Variants in CUL4A observed in about 807,000 individuals in gnomAD.
CUL4A encodes cullin 4A, also known as cullin-4A.
Under a neutral mutation model 95.5 loss-of-function variants are expected in CUL4A, and 16 were observed. The ratio of observed to expected loss-of-function variants is 0.17; its 90% CI spans 0.11 to 0.25. The LOEUF (loss-of-function observed/expected upper bound fraction) is 0.25, where lower values mean the gene tolerates loss of function less well. Among genes scored for constraint, CUL4A ranks in the 10% least tolerant of loss-of-function variants. The pLI is 1.00. For synonymous variants in CUL4A, 380 were observed against 353.1 expected (o/e 1.08, Z -0.85); for missense variants, 610 against 937.0 (o/e 0.65, Z 4.56).
At chr13:113,214,097 A>G (rs1046638179) in intron 2 of CUL4A, among the ~76,000 whole-genome samples, 1 of 152,162 alleles carries the variant, frequency 6.6e-6, no homozygotes, top group African/African-American at 2.4e-5. Flanking sequence ...GAAAGGACCA[A>G]TTCTCACCCA....
intron 10 of CUL4A, among the ~76,000 whole-genome samples, chr13:113,242,199 A>G (rs2041734056): frequency 6.6e-6 from 1 of 151,778 alleles, no homozygotes; most frequent in Admixed American, 6.6e-5. Context: ...TGGGAGGCGG[A>G]GGTTGCAGTG....
intron 1 of CUL4A, 51 bp from the exon 2 acceptor site, chr13:113,209,922 G>A (rs1190798284): frequency 1.4e-6 from 2 of 1,391,744 alleles, no homozygotes; most frequent in Non-Finnish European, 1.9e-6. Context: ...GTGGCTACGC[G>A]GGGCGCTTCG....
intron 4 of CUL4A, among the ~76,000 whole-genome samples, chr13:113,229,123 CAAAAA>C (rs911540867): frequency 6.6e-6 from 1 of 151,316 alleles, no homozygotes; most frequent in African/African-American, 2.4e-5. Context: ...CGTCTCAAGA[CAAAAA>C]AAAGAAAAAT....
intron 3 of CUL4A, among the ~76,000 whole-genome samples, chr13:113,227,560 C>T (rs748962980): frequency 6.6e-6 from 1 of 152,168 alleles, no homozygotes; most frequent in Non-Finnish European, 1.5e-5. Flanking sequence ...ATTCCAGTTA[C>T]TGAATGGTGT....
intron 14 of CUL4A, 33 bp downstream of exon 14, chr13:113,245,270 T>A (rs747366440): frequency 1.3e-6 from 2 of 1,588,574 alleles, no homozygotes; most frequent in Non-Finnish European, 1.7e-6. Flanking sequence ...AGCGGCTTTT[T>A]AAAAAGTATC....
At chr13:113,232,382 A>T (rs1419318922) in intron 5 of CUL4A, among the ~76,000 whole-genome samples, 1 of 151,754 alleles carries the variant, frequency 6.6e-6, no homozygotes, top group East Asian at 1.9e-4. Flanking sequence ...CCACCTGTCC[A>T]CCACTATATT....
At chr13:113,233,440 C>T in intron 6 of CUL4A, 101 bp downstream of exon 6, 1 of 1,184,812 alleles carries the variant, frequency 8.4e-7, no homozygotes, top group South Asian at 1.5e-5. Flanking sequence ...ATCATAAAGG[C>T]ATTTGTTGAA....
intron 10 of CUL4A, among the ~76,000 whole-genome samples, chr13:113,242,765 C>T (rs549609308): frequency 4.0e-4 from 61 of 152,138 alleles, no homozygotes; most frequent in African/African-American, 1.3e-3. Context: ...CAGCCTCGGC[C>T]GCAGAGTGAG....
intron 2 of CUL4A, among the ~76,000 whole-genome samples, chr13:113,210,425 C>G (rs180754604): frequency 6.6e-6 from 1 of 152,190 alleles, no homozygotes; most frequent in South Asian, 2.1e-4. Context: ...GACTGTGTCA[C>G]TTGCCACAGT....
Position 113,265,850 on chromosome 13 carries a change from G to T in CUL4A, c.*2268G>T, listed in dbSNP as rs958834827. ...CTTAGACAGAAATGCTGTAAAAGTG[G>T]AAAGGAGAAGGTGAAATTACTTGCA... On this transcript the variant is annotated 3_prime_UTR_variant, in exon 20 of 20. Transcript: ENST00000375440. 1 of 152,340 alleles carries T rather than the reference G, an allele frequency of 6.6e-6. No individual in the cohort carries two copies. Among genetic ancestry groups the T allele is most frequent in the East Asian group, 1.9e-4 (1 of 5,182 alleles). 9.4% of individuals were successfully genotyped at this position (152,340 alleles called of 1,614,324 possible).
In CUL4A at chr13:113,244,466, C is replaced by A. The variant is rs759209615; in HGVS notation, c.1285C>A (p.Leu429Met). The part of the protein sequence containing the change: ...AGNKEATDEE[L>M]ERTLDKIMIL... ...CAACAAAGAAGCCACAGACGAGGAG[C>A]TGGAGCGGACGTTGGACAAGATCAT... The change falls in exon 12 of 20, where the codon CTG becomes ATG. Residue 429 changes from leucine (L) to methionine (M), a missense_variant. Leu to Met is a conservative substitution (Grantham distance 15, BLOSUM62 2). Coordinates refer to ENST00000375440, the MANE Select transcript of CUL4A (RefSeq NM_001008895.4). 3.1e-5 allele frequency: 50 copies of A among 1,613,750 alleles called. No individual in the cohort carries two copies. Among genetic ancestry groups the A allele is most frequent in the Non-Finnish European group, 4.2e-5 (50 of 1,179,880 alleles).
intron 2 of CUL4A, among the ~76,000 whole-genome samples, chr13:113,211,573 C>T (rs758788473): frequency 2.6e-5 from 4 of 152,118 alleles, no homozygotes; most frequent in African/African-American, 7.2e-5. Context: ...TTAGTAGAGT[C>T]GGGGTTTCGC....
chr13:113,236,411 C>T (rs2041545921), intron 8 of CUL4A, among the ~76,000 whole-genome samples: 1 of 152,190 alleles, frequency 6.6e-6, no homozygotes, highest in Admixed American at 6.5e-5. Flanking sequence ...GTGCAGGTCA[C>T]ACACAGCTTC....
chr13:113,208,575 G>C, upstream of CUL4A: 1 of 1,605,798 alleles, frequency 6.2e-7, no homozygotes, highest in Non-Finnish European at 8.5e-7. Flanking sequence ...CCACGCCGCC[G>C]CGCGCTCCCC....
Position 113,244,394 on chromosome 13 carries a change from A to G in CUL4A, c.1229-16A>G, listed in dbSNP as rs2041803143. The G allele has an allele frequency of 1.9e-6, 3 of 1,584,314 alleles. No individual in the cohort carries two copies. Among genetic ancestry groups the G allele is most frequent in the East Asian group, 4.5e-5 (2 of 44,622 alleles). On this transcript the variant is annotated splice_polypyrimidine_tract_variant and intron_variant, in intron 11 of 19. Coordinates refer to ENST00000375440, the MANE Select transcript of CUL4A (RefSeq NM_001008895.4). Reference sequence around the variant, plus strand: ...TTTTCTAGTTTAGAGTATTTACTATATGTTTATGCTCACAGCAAAGCATGT... The same window carrying G: ...TTTTCTAGTTTAGAGTATTTACTATGTGTTTATGCTCACAGCAAAGCATGT...
intron 9 of CUL4A, among the ~76,000 whole-genome samples, chr13:113,238,974 A>C (rs2041627485): frequency 6.6e-6 from 1 of 152,264 alleles, no homozygotes; most frequent in African/African-American, 2.4e-5. Flanking sequence ...ATGCTGTGTT[A>C]AACACTTCAA....
At chr13:113,239,396 C>T in intron 9 of CUL4A, 37 bp from the exon 10 acceptor site, 5 of 1,524,814 alleles carry the variant, frequency 3.3e-6, no homozygotes, top group Non-Finnish European at 4.5e-6. Flanking sequence ...TAATGCTGCC[C>T]ATGCTGTACT....
rs1467715556 is a variant in CUL4A, at chr13:113,232,235, C to T, written c.513-942C>T. On this transcript the variant is annotated intron_variant, in intron 5 of 19. Transcript: ENST00000375440. ...CCATTACTGCTGCCACCACTACCCGCCCACCACCATTACTGCTGCCACCAC... is the reference window on the plus strand; with the variant it reads ...CCATTACTGCTGCCACCACTACCCGTCCACCACCATTACTGCTGCCACCAC... Among the ~76,000 whole-genome samples, 39 of 5,290 alleles carry T rather than the reference C, an allele frequency of 7.4e-3. 11 individuals are homozygous for T. The highest frequency in any genetic ancestry group is 9.8e-3 in the Non-Finnish European group (6 of 612). 3.5% of individuals were successfully genotyped at this position (5,290 alleles called of 152,430 possible).
At chr13:113,217,323 G>C (rs2040730698) in intron 2 of CUL4A, among the ~76,000 whole-genome samples, 1 of 152,182 alleles carries the variant, frequency 6.6e-6, no homozygotes, top group South Asian at 2.1e-4. Context: ...GGAATTCAAA[G>C]GGATGGAATT....
Sources: gnomAD v4.1 joint callset for allele counts (sites outside exome capture counted in the v4.1 genomes callset) on GRCh38, gnomAD v4.1.1 for gene constraint, MANE v1.5 for transcripts, NCBI Gene and HGNC (gene_info 2026-07-23, HGNC 2026-07-21) for gene names.